Variants in ATXN7L3B observed in about 807,000 individuals in gnomAD.
ATXN7L3B encodes ataxin-7-like protein 3B.
In ATXN7L3B, 4 loss-of-function variants were observed where a neutral mutation model predicts 6.3. The ratio of observed to expected loss-of-function variants is 0.63; its 90% CI spans 0.31 to 1.45. ATXN7L3B has a LOEUF of 1.45. Among genes scored for constraint, ATXN7L3B ranks in the 40% most tolerant of loss-of-function variants. ATXN7L3B has a pLI of 0.07. For missense variants in ATXN7L3B, 120 were observed against 118.5 expected (o/e 1.01, Z -0.06); for synonymous variants, 63 against 48.0 (o/e 1.31, Z -1.29).
rs1868940275 is a variant in ATXN7L3B at position 74,543,212 on chromosome 12, A to G, written c.*4806A>G. On this transcript the variant is annotated 3_prime_UTR_variant, in exon 1 of 1. Transcript: ENST00000519948. ...AAATACTAAATTGATTTTAGAGATG[A>G]AAAAAAAATCTTCAGCAGCAGTGAC... 1 of 151,610 alleles carries G rather than the reference A, an allele frequency of 6.6e-6. No homozygotes were observed. Among genetic ancestry groups the G allele is most frequent in the South Asian group, 2.1e-4 (1 of 4,822 alleles). The allele number at this position is 151,610 out of a possible 1,614,324, so 9.4% of individuals were successfully genotyped here.
Position 74,538,192 on chromosome 12 carries a change from A to C in ATXN7L3B, c.80A>C (p.Glu27Ala), listed in dbSNP as rs1424410501. The change falls in exon 1 of 1, where the codon GAG (glutamate) becomes GCG (alanine). Residue 27 changes from glutamate to alanine, a missense_variant. By Grantham distance (107) the Glu-to-Ala change is moderately radical (BLOSUM62 -1). Coordinates refer to ENST00000519948, the MANE Select transcript of ATXN7L3B (RefSeq NM_001136262.2). ...IAQEIYVDLI[E>A]DSCLGFCFEV... is the part of the protein sequence containing the mutation. ...CAGGAGATTTACGTAGACCTGATAG[A>C]GGATTCTTGTTTGGGATTCTGCTTT... 1.2e-6 allele frequency: 2 copies of C among 1,601,880 alleles called. No homozygotes were observed. Among genetic ancestry groups the C allele is most frequent in the Non-Finnish European group, 1.7e-6 (2 of 1,174,054 alleles).
chr12:74,538,093 G>A lies in ATXN7L3B; in HGVS notation c.-20G>A. The A allele has an allele frequency of 2.6e-6, 4 of 1,548,588 alleles. No homozygotes were observed. The highest frequency in any genetic ancestry group is 8.7e-7 in the Non-Finnish European group (1 of 1,144,466). ...CGTGAGTAAAACGAGCGCCCTCTCC[G>A]CACTCGTTTACAAATTAAAATGGAG... On this transcript the variant is annotated 5_prime_UTR_variant, in exon 1 of 1. Transcript: ENST00000519948.
rs1007511442 is a variant in ATXN7L3B at position 74,544,328 on chromosome 12, C to G, written c.*5922C>G. 4 of 151,816 alleles carry G rather than the reference C, an allele frequency of 2.6e-5. No homozygotes were observed. Among genetic ancestry groups the G allele is most frequent in the Non-Finnish European group, 5.9e-5 (4 of 67,804 alleles). The allele number at this position is 151,816 out of a possible 1,614,324, so 9.4% of individuals were successfully genotyped here. On this transcript the variant is annotated 3_prime_UTR_variant, in exon 1 of 1. Coordinates refer to ENST00000519948, the MANE Select transcript of ATXN7L3B (RefSeq NM_001136262.2). ...TATCATTGCTCCAAATTATGTGAAT[C>G]GGAAGCAATCTGTATTACAATCCAA...
rs1223360482 is a variant in ATXN7L3B at position 74,542,226 on chromosome 12, T to C, written c.*3820T>C. Reference sequence around the variant, plus strand: ...AAATAGGCCAGGGCCAACGTGGTGATTTGAGAAAACTTAAAAATTTGACGT... The same window carrying C: ...AAATAGGCCAGGGCCAACGTGGTGACTTGAGAAAACTTAAAAATTTGACGT... On this transcript the variant is annotated 3_prime_UTR_variant, in exon 1 of 1. Coordinates refer to ENST00000519948, the MANE Select transcript of ATXN7L3B (RefSeq NM_001136262.2). 6.6e-6 allele frequency: 1 copy of C among 152,164 alleles called. No individual in the cohort carries two copies. Among genetic ancestry groups the C allele is most frequent in the Non-Finnish European group, 1.5e-5 (1 of 68,012 alleles). The allele number at this position is 152,164 out of a possible 1,614,324, so 9.4% of individuals were successfully genotyped here.
At position 74,541,470 on chromosome 12, in the gene ATXN7L3B, T is replaced by G. The variant is rs550320134; in HGVS notation, c.*3064T>G. 2 of 166,060 alleles carry G rather than the reference T, an allele frequency of 1.2e-5. No homozygotes were observed. Among genetic ancestry groups the G allele is most frequent in the South Asian group, 4.1e-4 (2 of 4,830 alleles). 10.3% of individuals were successfully genotyped at this position (166,060 alleles called of 1,614,324 possible). On this transcript the variant is annotated 3_prime_UTR_variant, in exon 1 of 1. Transcript: ENST00000519948. Reference sequence around the variant, plus strand: ...AAAAATGACTACTTGGTCCTTGGACTCTGTATATTCATCTTTTAAAGCTGT... The same window carrying G: ...AAAAATGACTACTTGGTCCTTGGACGCTGTATATTCATCTTTTAAAGCTGT...
rs1031262413 is a variant in ATXN7L3B at position 74,545,234 on chromosome 12, A to G, written c.*6828A>G. ...CATTATATGTAATAGGGAAAAATTG[A>G]AAGTAATATACCCATTTGGAATACA... On this transcript the variant is annotated 3_prime_UTR_variant, in exon 1 of 1. Coordinates refer to ENST00000519948, the MANE Select transcript of ATXN7L3B (RefSeq NM_001136262.2). 6.6e-6 allele frequency: 1 copy of G among 152,132 alleles called. No individual in the cohort carries two copies. The highest frequency in any genetic ancestry group is 2.1e-4 in the South Asian group (1 of 4,834). The allele number at this position is 152,132 out of a possible 1,614,324, so 9.4% of individuals were successfully genotyped here. A position where few individuals can be genotyped will look rare whatever the true frequency, so the allele number is the denominator to read the frequency against.
Position 74,544,409 on chromosome 12 carries a change from A to T in ATXN7L3B, c.*6003A>T, listed in dbSNP as rs957120767. 1 of 152,012 alleles carries T rather than the reference A, an allele frequency of 6.6e-6. No individual in the cohort carries two copies. Among genetic ancestry groups the T allele is most frequent in the African/African-American group, 2.4e-5 (1 of 41,446 alleles). The allele number at this position is 152,012 out of a possible 1,614,324, so 9.4% of individuals were successfully genotyped here. A position where few individuals can be genotyped will look rare whatever the true frequency, so the allele number is the denominator to read the frequency against. On this transcript the variant is annotated 3_prime_UTR_variant, in exon 1 of 1. Coordinates refer to ENST00000519948, the MANE Select transcript of ATXN7L3B (RefSeq NM_001136262.2). ...ATTTTAAGATTTATATGAACACCAGATGCTAGAATAGACAAGATCTTTTTG... is the reference window on the plus strand; with the variant it reads ...ATTTTAAGATTTATATGAACACCAGTTGCTAGAATAGACAAGATCTTTTTG...
At position 74,539,373 on chromosome 12, in the gene ATXN7L3B, A is replaced by G. The variant is rs1384285602; in HGVS notation, c.*967A>G. 6.0e-6 allele frequency: 1 copy of G among 167,284 alleles called. No individual in the cohort carries two copies. Among genetic ancestry groups the G allele is most frequent in the Non-Finnish European group, 1.5e-5 (1 of 68,170 alleles). 10.4% of individuals were successfully genotyped at this position (167,284 alleles called of 1,614,324 possible). A position where few individuals can be genotyped will look rare whatever the true frequency, so the allele number is the denominator to read the frequency against. ...ACTATCTGCCTCCCACCCTGGGGGC[A>G]GGACTGAAGTATGGAAGAGCATCAT... is the stretch of plus-strand genomic sequence containing the variant. On this transcript the variant is annotated 3_prime_UTR_variant, in exon 1 of 1. Coordinates refer to ENST00000519948, the MANE Select transcript of ATXN7L3B (RefSeq NM_001136262.2).
In ATXN7L3B at chr12:74,541,765, CAATA is replaced by C. The variant is rs1333236258; in HGVS notation, c.*3360_*3363del. On this transcript the variant is annotated 3_prime_UTR_variant, in exon 1 of 1. Transcript: ENST00000519948. ...CAGATAGTTCCATTTGAATTGAACT[CAATA>C]TATCTTAGTAAGTACATTTTACCAT... 1 of 151,376 alleles carries C rather than the reference CAATA, an allele frequency of 6.6e-6. No individual in the cohort carries two copies. Among genetic ancestry groups the C allele is most frequent in the Non-Finnish European group, 1.5e-5 (1 of 68,036 alleles). The allele number at this position is 151,376 out of a possible 1,614,324, so 9.4% of individuals were successfully genotyped here.
At position 74,544,041 on chromosome 12, in the gene ATXN7L3B, A is replaced by G. The variant is rs903021023; in HGVS notation, c.*5635A>G. On this transcript the variant is annotated 3_prime_UTR_variant, in exon 1 of 1. Coordinates refer to ENST00000519948, the MANE Select transcript of ATXN7L3B (RefSeq NM_001136262.2). ...CATCTACATCTACATGGATAATTTT[A>G]TAGAATCTACAAACATACCATTGAA... 2.0e-5 allele frequency: 3 copies of G among 152,048 alleles called. No individual in the cohort carries two copies. Among genetic ancestry groups the G allele is most frequent in the South Asian group, 2.1e-4 (1 of 4,832 alleles). 9.4% of individuals were successfully genotyped at this position (152,048 alleles called of 1,614,324 possible). A position where few individuals can be genotyped will look rare whatever the true frequency, so the allele number is the denominator to read the frequency against.
chr12:74,540,351 C>T lies in ATXN7L3B; in HGVS notation c.*1945C>T, dbSNP rs1298443172. ...AGAGCAGTAAAGGCTGATTGACACACAGGGGGATGGAGTTGGTCCTTGTCC... is the reference window on the plus strand; with the variant it reads ...AGAGCAGTAAAGGCTGATTGACACATAGGGGGATGGAGTTGGTCCTTGTCC... On this transcript the variant is annotated 3_prime_UTR_variant, in exon 1 of 1. Transcript: ENST00000519948. The T allele has an allele frequency of 6.0e-6, 1 of 167,102 alleles. No individual in the cohort carries two copies. The highest frequency in any genetic ancestry group is 1.5e-5 in the Non-Finnish European group (1 of 68,150). 10.4% of individuals were successfully genotyped at this position (167,102 alleles called of 1,614,324 possible).
chr12:74,544,992 C>G lies in ATXN7L3B; in HGVS notation c.*6586C>G, dbSNP rs893024695. ...AAGTTCCCTTAGGTTCAAAGAAATG[C>G]AAACTAAAAACAAAATACCAATTTA... On this transcript the variant is annotated 3_prime_UTR_variant, in exon 1 of 1. Coordinates refer to ENST00000519948, the MANE Select transcript of ATXN7L3B (RefSeq NM_001136262.2). The G allele has an allele frequency of 1.4e-4, 22 of 152,010 alleles. No homozygotes were observed. Among genetic ancestry groups the G allele is most frequent in the Middle Eastern group, 3.4e-3 (1 of 294 alleles). The allele number at this position is 152,010 out of a possible 1,614,324, so 9.4% of individuals were successfully genotyped here.
In ATXN7L3B at chr12:74,538,669, A is replaced by G. The variant is rs533001783; in HGVS notation, c.*263A>G. The G allele has an allele frequency of 1.7e-4, 81 of 482,028 alleles. 2 individuals are homozygous for G. Among genetic ancestry groups the G allele is most frequent in the African/African-American group, 1.3e-3 (67 of 51,470 alleles). 29.9% of individuals were successfully genotyped at this position (482,028 alleles called of 1,614,324 possible). On this transcript the variant is annotated 3_prime_UTR_variant, in exon 1 of 1. Transcript: ENST00000519948. The stretch of plus-strand genomic sequence containing the variant: ...GCAGTGCCTGTTGATCTCTAAACAC[A>G]CCAGGATGTGCGCAAGATCCTGTAG...
At position 74,537,995 on chromosome 12, in the gene ATXN7L3B, C is replaced by T; in HGVS notation, c.-118C>T. The T allele has an allele frequency of 3.1e-6, 3 of 960,880 alleles. No individual in the cohort carries two copies. The highest frequency in any genetic ancestry group is 3.3e-4 in the Middle Eastern group (1 of 2,990). The allele number at this position is 960,880 out of a possible 1,614,324, so 59.5% of individuals were successfully genotyped here. A position where few individuals can be genotyped will look rare whatever the true frequency, so the allele number is the denominator to read the frequency against. ...CCTGCAGTTGCGGACGCCACCGACC[C>T]CGCCGCCGGAGGACTGGGCACTGAA... On this transcript the variant is annotated 5_prime_UTR_variant, in exon 1 of 1. Transcript: ENST00000519948.
rs1270549631 is a variant in ATXN7L3B at position 74,539,464 on chromosome 12, G to C, written c.*1058G>C. The C allele has an allele frequency of 6.0e-6, 1 of 167,288 alleles. No individual in the cohort carries two copies. The highest frequency in any genetic ancestry group is 1.5e-5 in the Non-Finnish European group (1 of 68,310). 10.4% of individuals were successfully genotyped at this position (167,288 alleles called of 1,614,324 possible). A position where few individuals can be genotyped will look rare whatever the true frequency, so the allele number is the denominator to read the frequency against. On this transcript the variant is annotated 3_prime_UTR_variant, in exon 1 of 1. Transcript: ENST00000519948. ...GGCACTTTCAGCTGCCCTCAATAATGTGAATGGATTAGTGCTAGGAGCCAA... is the reference window on the plus strand; with the variant it reads ...GGCACTTTCAGCTGCCCTCAATAATCTGAATGGATTAGTGCTAGGAGCCAA...
rs1868851884 is a variant in ATXN7L3B at position 74,540,193 on chromosome 12, GCAGTGT to G, written c.*1790_*1795del. The stretch of plus-strand genomic sequence containing the variant: ...GAACTTAATTTTTTGTATTTAAAAT[GCAGTGT>G]CATGCCTATAAGCATTTCTCCTATA... On this transcript the variant is annotated 3_prime_UTR_variant, in exon 1 of 1. Transcript: ENST00000519948. The G allele has an allele frequency of 6.0e-6, 1 of 166,320 alleles. No individual in the cohort carries two copies. Among genetic ancestry groups the G allele is most frequent in the Non-Finnish European group, 1.5e-5 (1 of 68,010 alleles). 10.3% of individuals were successfully genotyped at this position (166,320 alleles called of 1,614,324 possible). A position where few individuals can be genotyped will look rare whatever the true frequency, so the allele number is the denominator to read the frequency against.
rs1261036978 is a variant in ATXN7L3B at position 74,543,390 on chromosome 12, C to T, written c.*4984C>T. 2.6e-5 allele frequency: 4 copies of T among 151,920 alleles called. No individual in the cohort carries two copies. The highest frequency in any genetic ancestry group is 4.4e-5 in the Non-Finnish European group (3 of 67,934). The allele number at this position is 151,920 out of a possible 1,614,324, so 9.4% of individuals were successfully genotyped here. A position where few individuals can be genotyped will look rare whatever the true frequency, so the allele number is the denominator to read the frequency against. Reference sequence around the variant, plus strand: ...ACAAAACAATGAAAAATCCATGATGCTTATGAACAACGTTAGGGCAATGAA... The same window carrying T: ...ACAAAACAATGAAAAATCCATGATGTTTATGAACAACGTTAGGGCAATGAA... On this transcript the variant is annotated 3_prime_UTR_variant, in exon 1 of 1. Coordinates refer to ENST00000519948, the MANE Select transcript of ATXN7L3B (RefSeq NM_001136262.2).
Position 74,542,176 on chromosome 12 carries a change from C to T in ATXN7L3B, c.*3770C>T, listed in dbSNP as rs375454926. On this transcript the variant is annotated 3_prime_UTR_variant, in exon 1 of 1. Coordinates refer to ENST00000519948, the MANE Select transcript of ATXN7L3B (RefSeq NM_001136262.2). ...TTGAGTCTTCTCTTCTAGGAGCACT[C>T]GATGTACTTGTCACTGTCCAGTTTA... 6.6e-6 allele frequency: 1 copy of T among 152,126 alleles called. No homozygotes were observed. The highest frequency in any genetic ancestry group is 1.5e-5 in the Non-Finnish European group (1 of 68,024). 9.4% of individuals were successfully genotyped at this position (152,126 alleles called of 1,614,324 possible).
chr12:74,543,892 A>C lies in ATXN7L3B; in HGVS notation c.*5486A>C, dbSNP rs955420476. The C allele has an allele frequency of 2.6e-5, 4 of 152,118 alleles. No homozygotes were observed. Among genetic ancestry groups the C allele is most frequent in the Admixed American group, 6.5e-5 (1 of 15,282 alleles). The allele number at this position is 152,118 out of a possible 1,614,324, so 9.4% of individuals were successfully genotyped here. ...AAAATCTACACCAGTTACTATACTT[A>C]TTAATGAATACTTGGAAGCACTCCC... On this transcript the variant is annotated 3_prime_UTR_variant, in exon 1 of 1. Transcript: ENST00000519948.
Sources: allele counts gnomAD v4.1 joint callset, GRCh38; gene constraint gnomAD v4.1.1; transcripts MANE v1.5; gene names NCBI Gene and HGNC (gene_info 2026-07-23, HGNC 2026-07-21).